The following NMNAT2 variants were observed in gnomAD, a reference collection of about 807,000 sequenced individuals.
The protein encoded by NMNAT2 is nicotinamide nucleotide adenylyltransferase 2.
A neutral mutation model predicts 41.6 loss-of-function variants in NMNAT2; 11 were observed. The ratio of observed to expected loss-of-function variants is 0.26; its 90% CI spans 0.17 to 0.44. The LOEUF (loss-of-function observed/expected upper bound fraction) is 0.44. NMNAT2 is among the 20% of genes least tolerant of loss of function. The pLI is 1.00. For synonymous variants in NMNAT2, 148 were observed against 151.2 expected (o/e 0.98, Z 0.16); for missense variants, 288 against 407.7 (o/e 0.71, Z 2.53).
At chr1:183,298,433 A>T (rs1661761619) in intron 1 of NMNAT2, among the ~76,000 whole-genome samples, 1 of 152,238 alleles carries the variant, frequency 6.6e-6, no homozygotes, top group Admixed American at 6.5e-5. Context: ...AATACAAAGC[A>T]AATGTTAATC....
Position 183,398,320 on chromosome 1 carries a change from G to T in NMNAT2, c.85+19863C>A, listed in dbSNP as rs543688806. 8.6e-4 allele frequency among the ~76,000 whole-genome samples: 131 copies of T among 152,078 alleles called. 2 individuals are homozygous for T. The highest frequency in any genetic ancestry group is 2.9e-3 in the African/African-American group (122 of 41,528). ...AGATCAAAAGAGACAAAGAAGGCCA[G>T]TACATAATGGTAAAGGGATCAATTC... On this transcript the variant is annotated intron_variant, in intron 1 of 10. Transcript: ENST00000287713.
intron 8 of NMNAT2, among the ~76,000 whole-genome samples, chr1:183,265,291 C>G (rs2102284901): frequency 1.1e-5 from 1 of 94,584 alleles, no homozygotes; most frequent in African/African-American, 4.2e-5. Context: ...TTTTTTGAGA[C>G]AGAGTCTCAC....
At chr1:183,290,526 C>T (rs1661513944) in intron 3 of NMNAT2, 1 of 274,578 alleles carries the variant, frequency 3.6e-6, no homozygotes, top group Non-Finnish European at 6.9e-6. Flanking sequence ...CCTTCCCCAT[C>T]TGTAAAATGG....
intron 7 of NMNAT2, among the ~76,000 whole-genome samples, chr1:183,282,139 G>T (rs143710166): frequency 6.6e-6 from 1 of 152,310 alleles, no homozygotes; most frequent in Non-Finnish European, 1.5e-5. Flanking sequence ...GAACCTAAGT[G>T]TTCTCCATTC....
At chr1:183,302,292 C>T (rs2102317502) in intron 1 of NMNAT2, among the ~76,000 whole-genome samples, 1 of 152,248 alleles carries the variant, frequency 6.6e-6, no homozygotes, top group East Asian at 1.9e-4. Flanking sequence ...ATATACTTTG[C>T]TGAAATAATA....
chr1:183,333,114 T>C (rs202225881), intron 1 of NMNAT2, among the ~76,000 whole-genome samples: 7 of 152,240 alleles, frequency 4.6e-5, no homozygotes, highest in African/African-American at 1.7e-4. Context: ...AAATCTCTTT[T>C]AGGGGAAGGA....
chr1:183,289,202 G>A (rs1283966258), intron 4 of NMNAT2, among the ~76,000 whole-genome samples: 1 of 152,220 alleles, frequency 6.6e-6, no homozygotes, highest in East Asian at 1.9e-4. Context: ...GGCAGTGCCA[G>A]GTGGACTGCT....
intron 4 of NMNAT2, among the ~76,000 whole-genome samples, chr1:183,289,455 A>C (rs982084523): frequency 3.9e-5 from 6 of 152,206 alleles, no homozygotes; most frequent in African/African-American, 1.4e-4. Flanking sequence ...CAGCCCGGCC[A>C]CAGGCCCCAG....
intron 1 of NMNAT2, among the ~76,000 whole-genome samples, chr1:183,393,352 G>A (rs894706295): frequency 1.3e-5 from 2 of 152,108 alleles, no homozygotes; most frequent in African/African-American, 2.4e-5. Context: ...AGGATGCTAA[G>A]CCTCAGAATG....
At chr1:183,311,958 G>T (rs931190231) in intron 1 of NMNAT2, among the ~76,000 whole-genome samples, 1 of 152,084 alleles carries the variant, frequency 6.6e-6, no homozygotes, top group Non-Finnish European at 1.5e-5. Flanking sequence ...TTATAAGGGG[G>T]AGTTTCCCTG....
rs1242957050 is a variant in NMNAT2, at chr1:183,293,761, T to C, written c.118A>G (p.Arg40Gly). The C allele has an allele frequency of 6.2e-7, 1 of 1,613,922 alleles. No homozygotes were observed. The highest frequency in any genetic ancestry group is 8.5e-7 in the Non-Finnish European group (1 of 1,179,938). ...RARDYLHKTG[R>G]FIVIGGIVSP... ...ACAATCCCGCCAATCACAATAAACCTTCCAGTTTTGTGCAGATAATCCCTG... is the reference window on the plus strand; with the variant it reads ...ACAATCCCGCCAATCACAATAAACCCTCCAGTTTTGTGCAGATAATCCCTG... The change falls in exon 2 of 11, where the codon AGG becomes GGG. Residue 40 changes from arginine (R) to glycine (G), a missense_variant. Arg to Gly is a moderately radical substitution (Grantham distance 125, BLOSUM62 -2). Around this residue, in one of 3 missense-constraint regions of NMNAT2, gnomAD observed 100 missense variants for 168.5 expected, o/e 0.59. Coordinates refer to ENST00000287713, the MANE Select transcript of NMNAT2 (RefSeq NM_015039.4).
intron 1 of NMNAT2, among the ~76,000 whole-genome samples, chr1:183,349,129 C>T (rs1285933656): frequency 6.6e-6 from 1 of 152,214 alleles, no homozygotes; most frequent in Non-Finnish European, 1.5e-5. Flanking sequence ...TTCTGGTATT[C>T]AGAAATAGCC....
intron 1 of NMNAT2, among the ~76,000 whole-genome samples, chr1:183,382,813 G>A (rs1160973261): frequency 6.6e-6 from 1 of 152,240 alleles, no homozygotes; most frequent in Non-Finnish European, 1.5e-5. Flanking sequence ...TAGCTCTGCA[G>A]GGTACAGCCT....
chr1:183,402,276 C>T (rs1229316392), intron 1 of NMNAT2, among the ~76,000 whole-genome samples: 1 of 152,176 alleles, frequency 6.6e-6, no homozygotes, highest in Admixed American at 6.5e-5. Flanking sequence ...TTGTCCTGAA[C>T]CTAACTCAGA....
intron 1 of NMNAT2, among the ~76,000 whole-genome samples, chr1:183,347,356 T>G (rs551017791): frequency 6.6e-6 from 1 of 152,046 alleles, no homozygotes; most frequent in East Asian, 1.9e-4. Flanking sequence ...CTCAAGAGGG[T>G]GAGAGAGGAG....
rs149322112 is a variant in NMNAT2, at chr1:183,369,211, C to T, written c.85+48972G>A. 3.2e-3 allele frequency among the ~76,000 whole-genome samples: 480 copies of T among 151,078 alleles called. 5 individuals carry two copies. Among genetic ancestry groups the T allele is most frequent in the African/African-American group, 0.011 (450 of 41,108 alleles). On this transcript the variant is annotated intron_variant, in intron 1 of 10. Coordinates refer to ENST00000287713, the MANE Select transcript of NMNAT2 (RefSeq NM_015039.4). Reference sequence around the variant, plus strand: ...TGCTTAAAATGCATAATCTCATTCTCGCCTCCCCAAATCCTTTGAGGAAGG... The same window carrying T: ...TGCTTAAAATGCATAATCTCATTCTTGCCTCCCCAAATCCTTTGAGGAAGG...
chr1:183,255,462 A>T (rs1660491423), intron 10 of NMNAT2, among the ~76,000 whole-genome samples: 1 of 152,064 alleles, frequency 6.6e-6, no homozygotes. Flanking sequence ...GAATGCTGCC[A>T]TTGGGATTTT....
At chr1:183,376,827 G>C (rs1663688536) in intron 1 of NMNAT2, among the ~76,000 whole-genome samples, 1 of 152,174 alleles carries the variant, frequency 6.6e-6, no homozygotes, top group Non-Finnish European at 1.5e-5. Context: ...CAGAGGTAGA[G>C]TGCCCATCTC....
intron 8 of NMNAT2, 54 bp from the exon 9 acceptor site, chr1:183,261,357 C>A (rs1660653006): frequency 7.1e-7 from 1 of 1,411,392 alleles, no homozygotes; most frequent in Non-Finnish European, 9.9e-7. Context: ...AAACTCCTAC[C>A]AAGCAACTAC....
Sources: gnomAD v4.1 joint callset for allele counts (sites outside exome capture counted in the v4.1 genomes callset) on GRCh38, gnomAD v4.1.1 for gene constraint, gnomAD v4.1.1 regional missense constraint, MANE v1.5 for transcripts, NCBI Gene and HGNC (gene_info 2026-07-23, HGNC 2026-07-21) for gene names.